The following LYRM4 variants were observed in gnomAD, a reference collection of about 807,000 sequenced individuals.
LYRM4 encodes LYR motif-containing protein 4.
Under a neutral mutation model 11.7 loss-of-function variants are expected in LYRM4, and 9 were observed. The ratio of observed to expected loss-of-function variants is 0.77; its 90% CI spans 0.46 to 1.34. LYRM4 has a LOEUF of 1.34. LYRM4 is among the 40% of genes most tolerant of loss of function. The pLI is 0.00. For synonymous variants in LYRM4, 42 were observed against 40.4 expected, an observed-to-expected ratio of 1.04 and a Z score of -0.15; for missense variants, 133 against 112.5, an observed-to-expected ratio of 1.18 and a Z score of -0.82.
chr6:5,065,324 T>C, the LYRM4 span, among the ~76,000 whole-genome samples: 3 of 152,170 alleles, frequency 2.0e-5, no homozygotes, highest in South Asian at 6.2e-4. Flanking sequence ...TTTATTTTTA[T>C]TTAAAATATT....
At chr6:5,186,363 A>T (rs1036447910) in intron 2 of LYRM4, among the ~76,000 whole-genome samples, 1 of 152,170 alleles carries the variant, frequency 6.6e-6, no homozygotes, top group Non-Finnish European at 1.5e-5. Flanking sequence ...CTTCAGCAAA[A>T]GGATGGATGT....
At chr6:5,066,381 T>C in the LYRM4 span, 3 of 731,890 alleles carry the variant, frequency 4.1e-6, no homozygotes, top group Non-Finnish European at 7.6e-6. Flanking sequence ...AGTGGCCCTT[T>C]TTTCACCTCT....
intron 2 of LYRM4, among the ~76,000 whole-genome samples, chr6:5,216,114 T>C (rs1300411982): frequency 4.6e-5 from 7 of 152,258 alleles, no homozygotes. Context: ...GGTTCCTTTA[T>C]GGGGTCAGCA....
At chr6:5,117,574 G>A (rs893824689) in intron 2 of LYRM4, among the ~76,000 whole-genome samples, 7 of 152,078 alleles carry the variant, frequency 4.6e-5, no homozygotes, top group Non-Finnish European at 5.9e-5. Context: ...TTCTCCTGGG[G>A]ATTTGGGACT....
chr6:5,060,504 ATTT>A, the LYRM4 span, among the ~76,000 whole-genome samples: 2 of 144,210 alleles, frequency 1.4e-5, no homozygotes. Flanking sequence ...CGATTTTTGT[ATTT>A]TTTTTTTTTT....
intron 2 of LYRM4, among the ~76,000 whole-genome samples, chr6:5,177,896 C>T (rs936869815): frequency 2.0e-5 from 3 of 152,160 alleles, no homozygotes; most frequent in African/African-American, 4.8e-5. Flanking sequence ...CTCAACACTG[C>T]CAACTTGGGG....
At chr6:5,118,861 C>G (rs1403698545) in intron 2 of LYRM4, among the ~76,000 whole-genome samples, 1 of 152,172 alleles carries the variant, frequency 6.6e-6, no homozygotes, top group East Asian at 1.9e-4. Flanking sequence ...TCCACATAAC[C>G]TTTTTTCTTT....
chr6:5,061,132 TG>T, the LYRM4 span, among the ~76,000 whole-genome samples: 8 of 152,220 alleles, frequency 5.3e-5, no homozygotes, highest in Admixed American at 6.5e-5. Context: ...GTTAATTAAT[TG>T]TATTTTTTGG....
chr6:5,242,512 G>T (rs1012213095), intron 1 of LYRM4, among the ~76,000 whole-genome samples: 4 of 151,356 alleles, frequency 2.6e-5, no homozygotes, highest in Non-Finnish European at 5.9e-5. Flanking sequence ...CTGAGGTCAG[G>T]AGTTCGAGAC....
At chr6:5,119,104 A>G (rs920044565) in intron 2 of LYRM4, among the ~76,000 whole-genome samples, 1 of 152,016 alleles carries the variant, frequency 6.6e-6, no homozygotes, top group Non-Finnish European at 1.5e-5. Flanking sequence ...CTCCATCTCC[A>G]TCCTTCCTGT....
At chr6:5,093,774 G>A in the LYRM4 span, among the ~76,000 whole-genome samples, 1 of 152,238 alleles carries the variant, frequency 6.6e-6, no homozygotes, top group Non-Finnish European at 1.5e-5. Flanking sequence ...TGTAGGGCAA[G>A]GGAGACCCAA....
At chr6:5,159,622 T>C (rs1758631837) in intron 2 of LYRM4, among the ~76,000 whole-genome samples, 1 of 152,226 alleles carries the variant, frequency 6.6e-6, no homozygotes, top group East Asian at 1.9e-4. Context: ...ACCTGTCCTC[T>C]AGCCTCCCAC....
intron 1 of LYRM4, among the ~76,000 whole-genome samples, chr6:5,250,190 A>G (rs1192946834): frequency 6.6e-6 from 1 of 151,878 alleles, no homozygotes; most frequent in Non-Finnish European, 1.5e-5. Flanking sequence ...TATAACAAGT[A>G]TTTTATTTTA....
At chr6:5,195,736 G>T (rs1227234989) in intron 2 of LYRM4, among the ~76,000 whole-genome samples, 4 of 152,142 alleles carry the variant, frequency 2.6e-5, no homozygotes, top group African/African-American at 9.7e-5. Flanking sequence ...AAAGGGTGGG[G>T]TCACGGTCTC....
chr6:5,144,179 T>C, intron 2 of LYRM4: 1 of 1,536,844 alleles, frequency 6.5e-7, no homozygotes, highest in Non-Finnish European at 8.7e-7. Flanking sequence ...GGTGGTTTCC[T>C]CAAGGCCAAC....
intron 1 of LYRM4, among the ~76,000 whole-genome samples, chr6:5,234,822 G>A (rs1763446003): frequency 1.3e-5 from 2 of 152,144 alleles, no homozygotes; most frequent in Non-Finnish European, 2.9e-5. Context: ...ACTAGATTGA[G>A]GAAGAAGGAA....
the LYRM4 span, among the ~76,000 whole-genome samples, chr6:5,058,927 C>T: frequency 2.0e-5 from 3 of 152,172 alleles, no homozygotes; most frequent in South Asian, 2.1e-4. Flanking sequence ...AATAAAAGCA[C>T]ATGACGAAAA....
intron 1 of LYRM4, among the ~76,000 whole-genome samples, chr6:5,229,792 T>TA (rs1187978507): frequency 1.3e-5 from 2 of 152,186 alleles, no homozygotes; most frequent in African/African-American, 4.8e-5. Flanking sequence ...AACACTGTCT[T>TA]AAAAAATCAA....
the LYRM4 span, chr6:5,086,878 C>T: frequency 1.3e-5 from 5 of 389,306 alleles, no homozygotes; most frequent in African/African-American, 8.4e-5. Flanking sequence ...GAGCAGCTGC[C>T]TCCAAGAAAA....
Sources: allele counts gnomAD v4.1 joint callset (sites outside exome capture counted in the v4.1 genomes callset), GRCh38; gene constraint gnomAD v4.1.1; transcripts MANE v1.5; gene names NCBI Gene and HGNC (gene_info 2026-07-23, HGNC 2026-07-21).